The following MRTFB variants were observed in gnomAD, a reference collection of about 807,000 sequenced individuals.
The protein encoded by MRTFB is myocardin related transcription factor B, also known as myocardin-related transcription factor B.
MRTFB carries 29 observed loss-of-function variants against 104.2 expected under a neutral mutation model. The observed-to-expected ratio is 0.28, with a 90% confidence interval of 0.21 to 0.38. The LOEUF is 0.38. Ranked by LOEUF, MRTFB falls within the 10% of genes least tolerant of loss-of-function variation. MRTFB has a pLI of 1.00. For synonymous variants in MRTFB, 535 were observed against 519.5 expected, an observed-to-expected ratio of 1.03 and a Z score of -0.41; for missense variants, 1,270 against 1,341.6, an observed-to-expected ratio of 0.95 and a Z score of 0.83.
chr16:14,097,844 CTTTG>C (rs1392469853), intron 2 of MRTFB, among the ~76,000 whole-genome samples: 1 of 152,172 alleles, frequency 6.6e-6, no homozygotes, highest in Non-Finnish European at 1.5e-5. Context: ...ATGTACTCTT[CTTTG>C]TTTGACTTCT....
chr16:14,115,665 A>G (rs2036506544), intron 2 of MRTFB, among the ~76,000 whole-genome samples: 1 of 152,200 alleles, frequency 6.6e-6, no homozygotes, highest in Non-Finnish European at 1.5e-5. Context: ...CTGCCTTGAA[A>G]TAGTCACACT....
At position 14,197,924 on chromosome 16, in the gene MRTFB, C is replaced by A. The variant is rs1433848635; in HGVS notation, c.155-12319C>A. ...CATAATGTCTGTTCTGCTAACTGTT[C>A]CTTTTTTTTAATTACTGAAGTGAAA... On this transcript the variant is annotated intron_variant, in intron 3 of 16. Transcript: ENST00000571589. Among the ~76,000 whole-genome samples the A allele has an allele frequency of 3.3e-5, 5 of 151,998 alleles. No homozygotes were observed. In the East Asian group the frequency reaches 9.7e-4, roughly 29 times the overall value.
chr16:14,023,460 T>C, the MRTFB span, among the ~76,000 whole-genome samples: 1 of 151,798 alleles, frequency 6.6e-6, no homozygotes, highest in Non-Finnish European at 1.5e-5. Flanking sequence ...CCTGATGGCC[T>C]GTGCTTAAAT....
chr16:14,248,837 C>A, intron 12 of MRTFB, 89 bp from the exon 13 acceptor site: 2 of 1,398,804 alleles, frequency 1.4e-6, no homozygotes, highest in Non-Finnish European at 9.8e-7. Flanking sequence ...GATACAATCC[C>A]CAAGTGACCA....
chr16:14,199,655 T>G (rs1464120054), intron 3 of MRTFB, among the ~76,000 whole-genome samples: 1 of 152,222 alleles, frequency 6.6e-6, no homozygotes, highest in Non-Finnish European at 1.5e-5. Flanking sequence ...TGATTCTAAA[T>G]GTATCTCAAA....
intron 3 of MRTFB, chr16:14,200,657 A>G (rs1299658530): frequency 6.4e-7 from 1 of 1,559,668 alleles, no homozygotes; most frequent in East Asian, 2.2e-5. Flanking sequence ...AGATGGAAAG[A>G]GCCACTGGGT....
At chr16:14,135,328 T>C (rs1396995851) in intron 2 of MRTFB, among the ~76,000 whole-genome samples, 1 of 152,248 alleles carries the variant, frequency 6.6e-6, no homozygotes, top group African/African-American at 2.4e-5. Flanking sequence ...CCACATAACA[T>C]TGGTCCCATA....
chr16:14,252,545 G>A, intron 15 of MRTFB, 43 bp downstream of exon 15: 1 of 1,610,784 alleles, frequency 6.2e-7, no homozygotes, highest in Non-Finnish European at 8.5e-7. Flanking sequence ...TATGGTGGAT[G>A]TGCCCACGTT....
the MRTFB span, among the ~76,000 whole-genome samples, chr16:14,034,878 A>C: frequency 6.6e-6 from 1 of 152,098 alleles, no homozygotes; most frequent in Admixed American, 6.5e-5. Context: ...AGCAACTAGG[A>C]AGGAAGGCCC....
At chr16:14,004,232 G>A in the MRTFB span, among the ~76,000 whole-genome samples, 3 of 152,176 alleles carry the variant, frequency 2.0e-5, no homozygotes, top group African/African-American at 7.2e-5. Flanking sequence ...AGTAACCGGG[G>A]TGGAGGGAAT....
chr16:14,050,833 G>C, the MRTFB span, among the ~76,000 whole-genome samples: 2 of 152,030 alleles, frequency 1.3e-5, no homozygotes, highest in Non-Finnish European at 2.9e-5. Context: ...TGGAGGTCTC[G>C]ATAATACTGT....
At chr16:14,242,588 T>G (rs1436811756) in intron 10 of MRTFB, among the ~76,000 whole-genome samples, 1 of 152,080 alleles carries the variant, frequency 6.6e-6, no homozygotes, top group Admixed American at 6.6e-5. Flanking sequence ...ATGTAGCCCT[T>G]TGCCACCACA....
intron 3 of MRTFB, among the ~76,000 whole-genome samples, chr16:14,163,968 C>T (rs923403125): frequency 4.6e-5 from 7 of 151,906 alleles, no homozygotes; most frequent in African/African-American, 1.7e-4. Context: ...TGTAATATTT[C>T]GTTACACGTT....
At position 14,234,126 on chromosome 16, in the gene MRTFB, C is replaced by T. The variant is rs1454783917; in HGVS notation, c.694-20C>T. ...GATCATTAATTTCACAGACTTGTTC[C>T]TTTTTGCCTTTTCCACCAGTTTGCT... On this transcript the variant is annotated intron_variant, in intron 8 of 16. Transcript: ENST00000571589. 3.7e-6 allele frequency: 6 copies of T among 1,608,252 alleles called. No homozygotes were observed. In the African/African-American group the frequency reaches 6.7e-5, roughly 18 times the overall value.
chr16:14,183,256 A>G (rs1401999519), intron 3 of MRTFB, among the ~76,000 whole-genome samples: 1 of 152,200 alleles, frequency 6.6e-6, no homozygotes, highest in African/African-American at 2.4e-5. Flanking sequence ...TAAGGACAGA[A>G]CAGACAGACT....
At chr16:14,162,192 A>G (rs9922413) in intron 3 of MRTFB, among the ~76,000 whole-genome samples, 34,638 of 150,360 alleles carry the variant, frequency 0.23, 7,628 homozygotes, top group African/African-American at 0.57. Context: ...TTAATAGCCA[A>G]GCATGGTGAC....
At chr16:14,258,723 T>C (rs1253477091) in intron 16 of MRTFB, among the ~76,000 whole-genome samples, 3 of 152,232 alleles carry the variant, frequency 2.0e-5, no homozygotes, top group Non-Finnish European at 4.4e-5. Context: ...ATCTTAATTA[T>C]GTTACATCAA....
At chr16:14,162,261 G>A (rs1256694802) in intron 3 of MRTFB, among the ~76,000 whole-genome samples, 1 of 151,950 alleles carries the variant, frequency 6.6e-6, no homozygotes, top group African/African-American at 2.4e-5. Flanking sequence ...TTGAGCCTGT[G>A]ATGTCGAGAC....
chr16:14,102,593 G>A (rs1199929770), intron 2 of MRTFB, among the ~76,000 whole-genome samples: 4 of 152,090 alleles, frequency 2.6e-5, no homozygotes, highest in African/African-American at 9.7e-5. Flanking sequence ...CCACATCTAC[G>A]TTTAGACTTA....
Sources: gnomAD v4.1 joint callset for allele counts (sites outside exome capture counted in the v4.1 genomes callset) on GRCh38, gnomAD v4.1.1 for gene constraint, MANE v1.5 for transcripts, NCBI Gene and HGNC (gene_info 2026-07-23, HGNC 2026-07-21) for gene names.